VPS35: variants seen among roughly 807,000 people sequenced by gnomAD.
VPS35 encodes vacuolar protein sorting-associated protein 35.
Under a neutral mutation model 98.1 loss-of-function variants are expected in VPS35, and 21 were observed. The ratio of observed to expected loss-of-function variants is 0.21; its 90% CI spans 0.15 to 0.31. The LOEUF (loss-of-function observed/expected upper bound fraction) is 0.31. Among genes scored for constraint, VPS35 ranks in the 10% least tolerant of loss-of-function variants. The pLI is 1.00. For missense variants in VPS35, 554 were observed against 950.8 expected, an observed-to-expected ratio of 0.58 and a Z score of 5.49; for synonymous variants, 268 against 318.2, an observed-to-expected ratio of 0.84 and a Z score of 1.68.
rs1048812311 is a variant in VPS35 at position 46,658,116 on chromosome 16, T to C, written c.*2356A>G. 6.6e-6 allele frequency: 1 copy of C among 152,378 alleles called. No individual in the cohort carries two copies. The highest frequency in any genetic ancestry group is 2.4e-5 in the African/African-American group (1 of 41,466). 9.4% of individuals were successfully genotyped at this position (152,378 alleles called of 1,614,324 possible). On this transcript the variant is annotated 3_prime_UTR_variant, in exon 17 of 17. Transcript: ENST00000299138. ...ATTTCACTACAGGCAGCCAAGAGTA[T>C]AACTTGCTTCAGCCCATGGGTCTGA... is the stretch of plus-strand genomic sequence containing the variant.
chr16:46,680,595 G>A (rs1966219905), intron 5 of VPS35, 76 bp downstream of exon 5: 1 of 1,467,876 alleles, frequency 6.8e-7, no homozygotes, highest in African/African-American at 1.4e-5. Context: ...CTTTGTTTCT[G>A]TATATGTTTC....
At chr16:46,670,796 G>C (rs1342644023) in intron 12 of VPS35, among the ~76,000 whole-genome samples, 4 of 152,150 alleles carry the variant, frequency 2.6e-5, no homozygotes, top group Non-Finnish European at 5.9e-5. Context: ...ATCAACAGAA[G>C]TCAGCCTCTT....
chr16:46,663,309 G>T, intron 13 of VPS35, 147 bp from the exon 14 acceptor site: 1 of 721,022 alleles, frequency 1.4e-6, no homozygotes, highest in Non-Finnish European at 2.3e-6. Flanking sequence ...GGGCAAACAA[G>T]TAAATCAAGC....
intron 13 of VPS35, among the ~76,000 whole-genome samples, chr16:46,666,901 C>A (rs1213035489): frequency 6.6e-6 from 1 of 152,144 alleles, no homozygotes; most frequent in African/African-American, 2.4e-5. Context: ...CATATCTCAG[C>A]CATTGTGAAT....
At chr16:46,683,696 C>T in intron 1 of VPS35, 90 bp from the exon 2 acceptor site, 1 of 1,298,788 alleles carries the variant, frequency 7.7e-7, no homozygotes, top group Non-Finnish European at 1.1e-6. Flanking sequence ...CCTTCTCCAA[C>T]AATGTCCAGC....
intron 12 of VPS35, among the ~76,000 whole-genome samples, chr16:46,670,890 C>A (rs1966058150): frequency 6.6e-6 from 1 of 152,174 alleles, no homozygotes. Flanking sequence ...AGGACATCCT[C>A]AAGCAAATGT....
intron 6 of VPS35, 60 bp from the exon 7 acceptor site, chr16:46,677,458 C>T: frequency 7.1e-7 from 1 of 1,399,474 alleles, no homozygotes. Context: ...TAAGCTATTC[C>T]TCTAGTAACG....
intron 1 of VPS35, among the ~76,000 whole-genome samples, chr16:46,687,295 G>A (rs1430783184): frequency 2.0e-5 from 3 of 152,092 alleles, no homozygotes; most frequent in African/African-American, 7.2e-5. Flanking sequence ...GACAACTGAA[G>A]TAGAGAGAAA....
At chr16:46,666,304 T>C (rs1022295293) in intron 13 of VPS35, among the ~76,000 whole-genome samples, 2 of 151,294 alleles carry the variant, frequency 1.3e-5, no homozygotes, top group African/African-American at 4.9e-5. Flanking sequence ...GTTTCACTCT[T>C]GTTGCCCAGG....
intron 1 of VPS35, among the ~76,000 whole-genome samples, chr16:46,685,549 T>C (rs979135767): frequency 2.0e-5 from 3 of 152,170 alleles, no homozygotes; most frequent in African/African-American, 7.2e-5. Context: ...AAGAAGAAGT[T>C]AGGTATCTTT....
At chr16:46,673,306 A>T (rs1382568006) in intron 10 of VPS35, 1 of 152,102 alleles carries the variant, frequency 6.6e-6, no homozygotes, top group Non-Finnish European at 1.5e-5. Context: ...ATCATTCCAC[A>T]TCTGGACTTG....
At chr16:46,665,149 C>T (rs569984601) in intron 13 of VPS35, among the ~76,000 whole-genome samples, 2 of 152,340 alleles carry the variant, frequency 1.3e-5, no homozygotes, top group African/African-American at 4.8e-5. Flanking sequence ...ATCACACCAT[C>T]GCCATTGCTG....
At position 46,666,712 on chromosome 16, in the gene VPS35, A is replaced by G. The variant is rs116169217; in HGVS notation, c.1647+2218T>C. On this transcript the variant is annotated intron_variant, in intron 13 of 16. Coordinates refer to ENST00000299138, the MANE Select transcript of VPS35 (RefSeq NM_018206.6). Reference sequence around the variant, plus strand: ...TATTTCACTTAGAACAATGTCCTCCAGATTAATCCCTGTTGTCATAAATGG... The same window carrying G: ...TATTTCACTTAGAACAATGTCCTCCGGATTAATCCCTGTTGTCATAAATGG... Among the ~76,000 whole-genome samples the G allele has an allele frequency of 9.2e-3, 1,398 of 152,322 alleles. 28 individuals are homozygous for G. Among genetic ancestry groups the G allele is most frequent in the African/African-American group, 0.032 (1,330 of 41,560 alleles).
chr16:46,670,321 T>C (rs1188497096), intron 12 of VPS35, among the ~76,000 whole-genome samples: 2 of 152,220 alleles, frequency 1.3e-5, no homozygotes, highest in Non-Finnish European at 2.9e-5. Flanking sequence ...TTCACTCTTG[T>C]TGCCCAGGCT....
Position 46,666,095 on chromosome 16 carries a change from G to C in VPS35, c.1647+2835C>G, listed in dbSNP as rs1309495850. On this transcript the variant is annotated intron_variant, in intron 13 of 16. Transcript: ENST00000299138. ...ATTTTTGTATTTTTAGTAGAGACAG[G>C]GTTTCACCATGTTGGCCAGGCTGGT... Among the ~76,000 whole-genome samples, 3 of 151,352 alleles carry C rather than the reference G, an allele frequency of 2.0e-5. No individual in the cohort carries two copies. In the East Asian group the frequency reaches 5.9e-4, roughly 30 times the overall value.
chr16:46,678,873 T>C, intron 6 of VPS35, 70 bp downstream of exon 6: 1 of 1,528,102 alleles, frequency 6.5e-7, no homozygotes, highest in Non-Finnish European at 9.0e-7. Context: ...ATAACAAAAA[T>C]ATTCTGATTT....
rs897037457 is a variant in VPS35, at chr16:46,661,966, T to C, written c.2068-105A>G. 2 of 1,487,158 alleles carry C rather than the reference T, an allele frequency of 1.3e-6. No individual in the cohort carries two copies. Among genetic ancestry groups the C allele is most frequent in the Middle Eastern group, 1.7e-4 (1 of 5,798 alleles). The allele number at this position is 1,487,158 out of a possible 1,614,324, so 92.1% of individuals were successfully genotyped here. ...GGCTCTTTCGTGTTTTAAAGGGACA[T>C]AACAAATTTAAATCCTTTTCATTCT... is the stretch of plus-strand genomic sequence containing the variant. On this transcript the variant is annotated intron_variant, in intron 15 of 16. Transcript: ENST00000299138. This position sits in a 1 kb window ranked among gnomAD's most constrained non-coding sequence, Gnocchi z 4.3.
rs754894886 is a variant in VPS35 at position 46,682,061 on chromosome 16, T to C, written c.199+18A>G. Reference sequence around the variant, plus strand: ...AAGGTATGGTCCAAATGTTTAGTCTTCAACATTCAAAAGATACAAAGTTCA... The same window carrying C: ...AAGGTATGGTCCAAATGTTTAGTCTCCAACATTCAAAAGATACAAAGTTCA... On this transcript the variant is annotated intron_variant, in intron 3 of 16. Transcript: ENST00000299138. The C allele has an allele frequency of 5.0e-6, 8 of 1,593,704 alleles. No individual in the cohort carries two copies. In the South Asian group the frequency reaches 6.6e-5, roughly 13 times the overall value.
chr16:46,676,296 T>A (rs1966152052), intron 8 of VPS35, among the ~76,000 whole-genome samples: 1 of 152,186 alleles, frequency 6.6e-6, no homozygotes, highest in South Asian at 2.1e-4. Context: ...TGGATTTGTA[T>A]GATTTAAAAA....
Sources: gnomAD v4.1 joint callset for allele counts (sites outside exome capture counted in the v4.1 genomes callset) on GRCh38, gnomAD v4.1.1 for gene constraint, Gnocchi (gnomAD v3.1) non-coding constraint, MANE v1.5 for transcripts, NCBI Gene and HGNC (gene_info 2026-07-23, HGNC 2026-07-21) for gene names.